Variants in NHS observed in about 807,000 individuals in gnomAD.
The protein encoded by NHS is actin remodeling regulator NHS.
Under a neutral mutation model 72.5 loss-of-function variants are expected in NHS, and 5 were observed. The observed-to-expected ratio is 0.07, with a 90% CI of 0.04 to 0.14. The LOEUF (loss-of-function observed/expected upper bound fraction) is 0.14. NHS is among the 10% of genes least tolerant of loss of function. The pLI is 1.00. For synonymous variants in NHS, 464 were observed against 547.7 expected (o/e 0.85, Z 2.13); for missense variants, 1,072 against 1,355.7 (o/e 0.79, Z 3.29).
intron 1 of NHS, among the ~76,000 whole-genome samples, chrX:17,404,384 T>C (rs2064517630): frequency 9.0e-6 from 1 of 111,263 alleles, no homozygotes; most frequent in South Asian, 3.9e-4. Flanking sequence ...TCCGGGTTGG[T>C]GTCAATGTCT....
intron 8 of NHS, 91 bp downstream of exon 8, chrX:17,728,866 G>A: frequency 9.0e-7 from 1 of 1,114,138 alleles, no homozygotes; most frequent in Non-Finnish European, 1.2e-6. Flanking sequence ...ATACAGGAAA[G>A]CTTTTTGTAA....
At chrX:17,550,051 T>A (rs1367265282) in intron 1 of NHS, among the ~76,000 whole-genome samples, 1 of 111,749 alleles carries the variant, frequency 8.9e-6, no homozygotes, top group East Asian at 2.8e-4. Flanking sequence ...ATGGTAAAAA[T>A]AAATGTAAAT....
At position 17,427,006 on chromosome X, in the gene NHS, A is replaced by G. The variant is rs187892256; in HGVS notation, c.565+50684A>G. Among the ~76,000 whole-genome samples the G allele has an allele frequency of 2.8e-4, 31 of 111,960 alleles. No homozygotes were observed. In the East Asian group the frequency reaches 8.7e-3, roughly 32 times the overall value. ...TAAAGAAGTTCCAGCTTTGAGATTA[A>G]TCTGCTGTCTATAACCCCAGATCAC... On this transcript the variant is annotated intron_variant, in intron 1 of 8. Transcript: ENST00000676302.
At chrX:17,467,109 G>T (rs1477209824) in intron 1 of NHS, among the ~76,000 whole-genome samples, 1 of 111,458 alleles carries the variant, frequency 9.0e-6, no homozygotes, top group Non-Finnish European at 1.9e-5. Context: ...AACAGCCCTG[G>T]ATCTCCTGCT....
intron 1 of NHS, among the ~76,000 whole-genome samples, chrX:17,658,153 C>G (rs371899710): frequency 1.8e-5 from 2 of 112,742 alleles, no homozygotes; most frequent in African/African-American, 6.4e-5. Flanking sequence ...CTAGGCTCCC[C>G]TCATTATTTA....
chrX:17,720,786 TC>T (rs903728132), intron 4 of NHS, among the ~76,000 whole-genome samples: 1 of 112,128 alleles, frequency 8.9e-6, no homozygotes, highest in South Asian at 3.7e-4. Context: ...CTGGAATATT[TC>T]CCCCCAGTAA....
chrX:17,552,709 C>T (rs193101018), intron 1 of NHS, among the ~76,000 whole-genome samples: 4 of 111,914 alleles, frequency 3.6e-5, no homozygotes, highest in East Asian at 2.8e-4. Flanking sequence ...TCCGAAGAAT[C>T]GGAAGGCAGA....
chrX:17,696,571 A>T (rs1280105752), intron 3 of NHS, among the ~76,000 whole-genome samples: 1 of 112,384 alleles, frequency 8.9e-6, no homozygotes, highest in Non-Finnish European at 1.9e-5. Context: ...AGTAGTCTAC[A>T]CAGCCTTTCT....
intron 1 of NHS, among the ~76,000 whole-genome samples, chrX:17,478,520 G>C (rs2064931428): frequency 8.9e-6 from 1 of 111,843 alleles, no homozygotes; most frequent in South Asian, 3.8e-4. Flanking sequence ...TACTAGTGTA[G>C]TTTATGGCTA....
chrX:17,719,023 A>G (rs1473474515), intron 3 of NHS, among the ~76,000 whole-genome samples: 1 of 92,890 alleles, frequency 1.1e-5, no homozygotes, highest in African/African-American at 4.0e-5. Flanking sequence ...AGGAAGGAAG[A>G]AAAAAGGAAA....
chrX:17,484,378 A>C (rs1439076418), intron 1 of NHS, among the ~76,000 whole-genome samples: 1 of 111,629 alleles, frequency 9.0e-6, no homozygotes, highest in Non-Finnish European at 1.9e-5. Flanking sequence ...TTTTATTATT[A>C]TTCAGGTACA....
chrX:17,694,903 T>C (rs1040440220), intron 3 of NHS, among the ~76,000 whole-genome samples: 2 of 111,952 alleles, frequency 1.8e-5, no homozygotes, highest in Non-Finnish European at 3.8e-5. Flanking sequence ...AGCTATTGTA[T>C]CTTTCTGACT....
chrX:17,637,640 G>A (rs988585452), intron 1 of NHS, among the ~76,000 whole-genome samples: 2 of 111,640 alleles, frequency 1.8e-5, no homozygotes, highest in African/African-American at 6.5e-5. Context: ...TTACCTTAAC[G>A]CAAATTTTAT....
chrX:17,546,927 A>G (rs1209875137), intron 1 of NHS, among the ~76,000 whole-genome samples: 7 of 112,127 alleles, frequency 6.2e-5, no homozygotes, highest in African/African-American at 2.3e-4. Flanking sequence ...GATCAAGTGG[A>G]GGTTGACCTT....
At chrX:17,496,885 G>A (rs986062871) in intron 1 of NHS, among the ~76,000 whole-genome samples, 14 of 111,626 alleles carry the variant, frequency 1.3e-4, no homozygotes, top group African/African-American at 9.8e-5. Flanking sequence ...TATTGCTGTC[G>A]TTCATTCCAC....
rs969713794 is a variant in NHS at position 17,579,307 on chromosome X, G to A, written c.566-108435G>A. ...TGCTCTCCAAACATCCTAGTCCTTC[G>A]TATTTATAGAGTGCTTTATTTTAGT... On this transcript the variant is annotated intron_variant, in intron 1 of 8. Transcript: ENST00000676302. Among the ~76,000 whole-genome samples the A allele has an allele frequency of 4.5e-5, 5 of 111,753 alleles. No homozygotes were observed. In the East Asian group the frequency reaches 8.4e-4, roughly 19 times the overall value.
intron 1 of NHS, among the ~76,000 whole-genome samples, chrX:17,386,255 C>T (rs1348003076): frequency 1.8e-5 from 2 of 111,838 alleles, no homozygotes; most frequent in Non-Finnish European, 3.8e-5. Context: ...CCAGGTAAAA[C>T]AACTTCAATT....
In NHS at chrX:17,727,677, C is replaced by T. The variant is rs769869161; in HGVS notation, c.3571C>T (p.Arg1191Cys). The T allele has an allele frequency of 5.0e-6, 6 of 1,211,533 alleles. No homozygotes were observed. The Admixed American group carries it at 6.5e-5, about 13-fold the overall frequency. ...GCATACAGCAAATAAATCAGTATCT[C>T]GTCAATACTCCACTGAAGACACCAT... is the stretch of plus-strand genomic sequence containing the variant. Reference protein sequence around the residue: ...RPHTANKSVSRQYSTEDTILS... With the variant: ...RPHTANKSVSCQYSTEDTILS... The change falls in exon 7 of 9, where the codon CGT becomes TGT. Residue 1191 changes from arginine (R) to cysteine (C), a missense_variant. Physicochemically the swap from Arg to Cys is radical, Grantham distance 180. Transcript: ENST00000676302.
chrX:17,631,955 G>C lies in NHS; in HGVS notation c.566-55787G>C, dbSNP rs1422247954. Among the ~76,000 whole-genome samples, 3 of 111,471 alleles carry C rather than the reference G, an allele frequency of 2.7e-5. No individual in the cohort carries two copies. In the East Asian group the frequency reaches 8.4e-4, roughly 31 times the overall value. ...TGGAGTGCCAGTCATCACATTATTGGCCTAAGCATCAGGATGAAAGAAGGA... is the reference window on the plus strand; with the variant it reads ...TGGAGTGCCAGTCATCACATTATTGCCCTAAGCATCAGGATGAAAGAAGGA... On this transcript the variant is annotated intron_variant, in intron 1 of 8. Transcript: ENST00000676302.
Sources: allele counts gnomAD v4.1 joint callset (sites outside exome capture counted in the v4.1 genomes callset), GRCh38; gene constraint gnomAD v4.1.1; transcripts MANE v1.5; gene names NCBI Gene and HGNC (gene_info 2026-07-23, HGNC 2026-07-21).